DGKH: variants seen among roughly 807,000 people sequenced by gnomAD.
DGKH encodes DAG kinase eta.
In DGKH, 90 loss-of-function variants were observed where a neutral mutation model predicts 159.3. The observed-to-expected ratio is 0.57, with a 90% CI of 0.48 to 0.67. The LOEUF (loss-of-function observed/expected upper bound fraction) is 0.67. Ranked by LOEUF, DGKH falls within the 30% of genes least tolerant of loss-of-function variation. The pLI, the probability that DGKH is intolerant of heterozygous loss-of-function variation, is 0.00. For synonymous variants in DGKH, 536 were observed against 553.8 expected, an observed-to-expected ratio of 0.97 and a Z score of 0.45; for missense variants, 1,181 against 1,506.1, an observed-to-expected ratio of 0.78 and a Z score of 3.57.
intron 9 of DGKH, among the ~76,000 whole-genome samples, chr13:42,167,111 TA>T (rs148100090): frequency 0.015 from 2,223 of 152,292 alleles, 54 homozygotes; most frequent in African/African-American, 0.049. Flanking sequence ...TCAGTTCACA[TA>T]AATGACAAAG....
In DGKH at chr13:42,189,210, A is replaced by C; in HGVS notation, c.1813A>C (p.Lys605Gln). 1 of 1,614,236 alleles carries C rather than the reference A, an allele frequency of 6.2e-7. No individual in the cohort carries two copies. Among genetic ancestry groups the C allele is most frequent in the Non-Finnish European group, 8.5e-7 (1 of 1,180,050 alleles). The change falls in exon 15 of 30, where the codon AAA (lysine) becomes CAA (glutamine). Residue 605 changes from lysine to glutamine, a missense_variant. Lys to Gln is a moderately conservative substitution (Grantham distance 53, BLOSUM62 1). Around this residue, in one of 5 missense-constraint regions of DGKH, gnomAD observed 257 missense variants for 281.5 expected, o/e 0.91. Transcript: ENST00000337343. ...AGAGCAGCTTGGGGATGACGTTACA[A>C]AACCTTCCTCCCAGAAAGCCGTCAA... ...SKEQLGDDVTKPSSQKAVKPR... is the reference protein window; with the variant it reads ...SKEQLGDDVTQPSSQKAVKPR...
rs868325628 is a variant in DGKH at position 42,221,168 on chromosome 13, C to T, written c.3443-96C>T. 52 of 1,491,218 alleles carry T rather than the reference C, an allele frequency of 3.5e-5. No individual in the cohort carries two copies. In the Middle Eastern group the frequency reaches 7.1e-4, roughly 20 times the overall value. The allele number at this position is 1,491,218 out of a possible 1,614,324, so 92.4% of individuals were successfully genotyped here. A position where few individuals can be genotyped will look rare whatever the true frequency, so the allele number is the denominator to read the frequency against. On this transcript the variant is annotated intron_variant, in intron 28 of 29. Transcript: ENST00000337343. ...TAACCTTTTCTTTTGCTAGCACTGC[C>T]GCTGCACTCTGTTTTGCATCTTCTT... is the stretch of plus-strand genomic sequence containing the variant.
At chr13:42,086,021 C>T (rs1307687138) in intron 1 of DGKH, among the ~76,000 whole-genome samples, 6 of 151,932 alleles carry the variant, frequency 3.9e-5, no homozygotes, top group East Asian at 1.9e-4. Context: ...TGGGTTCAAG[C>T]GATTCTCGTG....
intron 1 of DGKH, among the ~76,000 whole-genome samples, chr13:42,077,753 A>G (rs1954126885): frequency 6.6e-6 from 1 of 152,224 alleles, no homozygotes; most frequent in African/African-American, 2.4e-5. Flanking sequence ...GAGACAGCTG[A>G]CCATCCAGAT....
At chr13:42,050,867 G>GCAAACAAACAAA (rs200523912) in intron 1 of DGKH, among the ~76,000 whole-genome samples, 1 of 152,034 alleles carries the variant, frequency 6.6e-6, no homozygotes, top group African/African-American at 2.4e-5. Flanking sequence ...AAACAAACAA[G>GCAAACAAACAAA]CAAACAAACA....
At chr13:42,135,694 C>T (rs1310287353) in intron 3 of DGKH, among the ~76,000 whole-genome samples, 2 of 151,826 alleles carry the variant, frequency 1.3e-5, no homozygotes, top group Non-Finnish European at 2.9e-5. Flanking sequence ...TTAACATAGC[C>T]CTATGCTGTA....
intron 1 of DGKH, among the ~76,000 whole-genome samples, chr13:42,093,220 G>T (rs1954455254): frequency 6.6e-6 from 1 of 151,274 alleles, no homozygotes; most frequent in Admixed American, 6.6e-5. Flanking sequence ...CTCCAGCCTG[G>T]GCGTCAGAGC....
At position 42,174,649 on chromosome 13, in the gene DGKH, G is replaced by A. The variant is rs563223301; in HGVS notation, c.1452+505G>A. Among the ~76,000 whole-genome samples, 61 of 152,226 alleles carry A rather than the reference G, an allele frequency of 4.0e-4. 2 individuals are homozygous for A. The South Asian group carries it at 8.9e-3, about 22-fold the overall frequency. On this transcript the variant is annotated intron_variant, in intron 12 of 29. Coordinates refer to ENST00000337343, the MANE Select transcript of DGKH (RefSeq NM_178009.5). ...ACAGTATCCAAACATACCAATACTC[G>A]TGGCCAGAATATTATGCAATTTCTG... is the stretch of plus-strand genomic sequence containing the variant.
chr13:42,111,234 A>G (rs1357179545), intron 1 of DGKH, among the ~76,000 whole-genome samples: 1 of 152,308 alleles, frequency 6.6e-6, no homozygotes, highest in Non-Finnish European at 1.5e-5. Flanking sequence ...ATTGCAAGGG[A>G]CAAAGTACAT....
chr13:42,211,723 TTAATAGAC>T (rs1437308823), intron 24 of DGKH, among the ~76,000 whole-genome samples: 1 of 151,814 alleles, frequency 6.6e-6, no homozygotes, highest in Non-Finnish European at 1.5e-5. Flanking sequence ...AAAAAGAGGT[TTAATAGAC>T]TCACAGCTCC....
At chr13:42,180,844 C>A (rs1162147504) in intron 13 of DGKH, among the ~76,000 whole-genome samples, 2 of 152,160 alleles carry the variant, frequency 1.3e-5, no homozygotes, top group Non-Finnish European at 2.9e-5. Context: ...TTTATTTCTT[C>A]TTCTTATTAT....
intron 1 of DGKH, among the ~76,000 whole-genome samples, chr13:42,067,576 C>T (rs1882668715): frequency 6.6e-6 from 1 of 152,060 alleles, no homozygotes; most frequent in African/African-American, 2.4e-5. Context: ...AAATAGATAC[C>T]ATTGTGTGTG....
intron 20 of DGKH, among the ~76,000 whole-genome samples, chr13:42,204,599 C>T (rs1957419578): frequency 6.6e-6 from 1 of 152,140 alleles, no homozygotes; most frequent in African/African-American, 2.4e-5. Flanking sequence ...TTTTGCAGTA[C>T]TTGGGGATGA....
At chr13:42,221,056 T>C in intron 28 of DGKH, 1 of 519,864 alleles carries the variant, frequency 1.9e-6, no homozygotes, top group Non-Finnish European at 3.2e-6. Flanking sequence ...CGGCAGCAAA[T>C]GGTTTTGTAT....
At chr13:42,225,429 A>G in intron 29 of DGKH, 1 of 1,150,624 alleles carries the variant, frequency 8.7e-7, no homozygotes, top group Non-Finnish European at 1.2e-6. Context: ...TCTACAAAGC[A>G]TGCTTTGTCA....
chr13:42,244,201 A>G (rs912607182), downstream of DGKH, among the ~76,000 whole-genome samples: 1 of 152,206 alleles, frequency 6.6e-6, no homozygotes, highest in Admixed American at 6.5e-5. Context: ...GGAAATACAG[A>G]TCTGAGAGTC....
intron 13 of DGKH, among the ~76,000 whole-genome samples, chr13:42,180,980 A>G (rs1457207693): frequency 6.6e-6 from 1 of 152,156 alleles, no homozygotes; most frequent in Non-Finnish European, 1.5e-5. Context: ...TCTGCACAGT[A>G]AGAATATCCT....
At chr13:42,071,778 A>G (rs772508329) in intron 1 of DGKH, among the ~76,000 whole-genome samples, 24 of 152,140 alleles carry the variant, frequency 1.6e-4, no homozygotes, top group Admixed American at 7.2e-4. Flanking sequence ...ACAGCCCCCA[A>G]TGTCAGCTCA....
At chr13:42,206,172 T>C (rs750011354) in intron 21 of DGKH, 26 bp downstream of exon 21, 6 of 1,338,012 alleles carry the variant, frequency 4.5e-6, no homozygotes, top group Middle Eastern at 2.0e-4. Flanking sequence ...AAATAGTTTG[T>C]TTCCTCAAAA....
Sources: allele counts gnomAD v4.1 joint callset (sites outside exome capture counted in the v4.1 genomes callset), GRCh38; gene constraint gnomAD v4.1.1; regional missense constraint gnomAD v4.1.1; transcripts MANE v1.5; gene names NCBI Gene and HGNC (gene_info 2026-07-23, HGNC 2026-07-21).